Variants in TAFA4 observed in about 807,000 individuals in gnomAD.
TAFA4 encodes the protein chemokine-like protein TAFA-4.
A neutral mutation model predicts 21.1 loss-of-function variants in TAFA4; 20 were observed. The ratio of observed to expected loss-of-function variants is 0.95; its 90% CI spans 0.67 to 1.38. The LOEUF (loss-of-function observed/expected upper bound fraction) is 1.38, where lower values mean the gene tolerates loss of function less well. Among genes scored for constraint, TAFA4 ranks in the 40% most tolerant of loss-of-function variants. The pLI, the probability that TAFA4 is intolerant of heterozygous loss-of-function variation, is 0.00. For missense variants in TAFA4, 211 were observed against 180.9 expected, an observed-to-expected ratio of 1.17 and a Z score of -0.95; for synonymous variants, 71 against 67.4, an observed-to-expected ratio of 1.05 and a Z score of -0.26.
chr3:68,821,268 A>G (rs1162526584), intron 3 of TAFA4, among the ~76,000 whole-genome samples: 1 of 152,136 alleles, frequency 6.6e-6, no homozygotes, highest in African/African-American at 2.4e-5. Context: ...ACACAGCATC[A>G]AAACAACAAT....
intron 4 of TAFA4, among the ~76,000 whole-genome samples, chr3:68,743,122 A>C (rs1702387990): frequency 6.6e-6 from 1 of 152,214 alleles, no homozygotes; most frequent in Non-Finnish European, 1.5e-5. Flanking sequence ...CAAAACAAAT[A>C]GTACCTAAGT....
intron 3 of TAFA4, among the ~76,000 whole-genome samples, chr3:68,753,916 G>C (rs979279313): frequency 8.5e-5 from 13 of 152,230 alleles, no homozygotes; most frequent in African/African-American, 3.1e-4. Flanking sequence ...GTGAGACGCT[G>C]AGCAGAGAAT....
intron 3 of TAFA4, among the ~76,000 whole-genome samples, chr3:68,869,669 T>C (rs759277944): frequency 1.1e-4 from 16 of 152,014 alleles, no homozygotes; most frequent in Non-Finnish European, 2.1e-4. Flanking sequence ...CATTCTTTTA[T>C]GATAAAAACT....
intron 3 of TAFA4, among the ~76,000 whole-genome samples, chr3:68,867,167 G>T (rs191387855): frequency 1.1e-4 from 17 of 152,186 alleles, no homozygotes; most frequent in African/African-American, 3.4e-4. Context: ...AAAAAGAGAG[G>T]ATGCTAAAAG....
At chr3:68,757,503 C>A (rs1356949312) in intron 3 of TAFA4, among the ~76,000 whole-genome samples, 12 of 152,124 alleles carry the variant, frequency 7.9e-5, no homozygotes, top group African/African-American at 2.9e-4. Context: ...ATGAAAGCAG[C>A]TTTAAACCCC....
At chr3:68,863,722 T>C (rs1008279161) in intron 3 of TAFA4, among the ~76,000 whole-genome samples, 4 of 152,196 alleles carry the variant, frequency 2.6e-5, no homozygotes, top group African/African-American at 9.6e-5. Flanking sequence ...AATATTCTTA[T>C]CTGAAAAGCT....
At chr3:68,837,964 AAATC>A (rs1704560965) in intron 3 of TAFA4, among the ~76,000 whole-genome samples, 1 of 152,130 alleles carries the variant, frequency 6.6e-6, no homozygotes, top group African/African-American at 2.4e-5. Context: ...TGGAATCTCT[AAATC>A]AAGCTAATTA....
intron 3 of TAFA4, among the ~76,000 whole-genome samples, chr3:68,868,313 T>C (rs2089442943): frequency 6.6e-6 from 1 of 152,002 alleles, no homozygotes; most frequent in South Asian, 2.1e-4. Flanking sequence ...TAAATATATA[T>C]GCACCCAAAT....
chr3:68,824,878 C>T (rs751677536), intron 3 of TAFA4, among the ~76,000 whole-genome samples: 6 of 152,136 alleles, frequency 3.9e-5, no homozygotes, highest in Admixed American at 1.3e-4. Flanking sequence ...GCATTTTACG[C>T]GTACGGGATT....
At chr3:68,738,460 C>G (rs1254532306) in intron 5 of TAFA4, among the ~76,000 whole-genome samples, 1 of 151,994 alleles carries the variant, frequency 6.6e-6, no homozygotes, top group Non-Finnish European at 1.5e-5. Flanking sequence ...AGATTCATCT[C>G]CATATGAGAT....
At chr3:68,874,082 A>G (rs1161362880) in intron 3 of TAFA4, among the ~76,000 whole-genome samples, 3 of 152,016 alleles carry the variant, frequency 2.0e-5, no homozygotes, top group African/African-American at 7.2e-5. Context: ...CCAATCCCCA[A>G]CAGCTAAGAA....
At chr3:68,865,832 T>A (rs2089408903) in intron 3 of TAFA4, among the ~76,000 whole-genome samples, 1 of 152,054 alleles carries the variant, frequency 6.6e-6, no homozygotes, top group Admixed American at 6.6e-5. Flanking sequence ...GCTGAGATGT[T>A]CCCTGAAACC....
chr3:68,746,317 T>TTCATATATACATCTATC (rs530760080), intron 4 of TAFA4, among the ~76,000 whole-genome samples: 1 of 152,132 alleles, frequency 6.6e-6, no homozygotes, highest in Non-Finnish European at 1.5e-5. Flanking sequence ...TAAACTCCCC[T>TTCATATATACATCTATC]TCATATATAC....
chr3:68,788,804 T>C lies in TAFA4; in HGVS notation c.131-35786A>G, dbSNP rs184708412. Among the ~76,000 whole-genome samples, 994 of 151,506 alleles carry C rather than the reference T, an allele frequency of 6.6e-3. 12 individuals are homozygous for C. The highest frequency in any genetic ancestry group is 0.023 in the African/African-American group (962 of 41,172). ...ATTTTTATTTTATTTTATTTTATTT[T>C]TGTAGAGACAGGATCTCACTATGTC... On this transcript the variant is annotated intron_variant, in intron 3 of 5. Transcript: ENST00000295569.
chr3:68,824,448 A>T (rs987322833), intron 3 of TAFA4, among the ~76,000 whole-genome samples: 2 of 144,082 alleles, frequency 1.4e-5, no homozygotes, highest in African/African-American at 5.1e-5. Flanking sequence ...TTCCATCATC[A>T]TATCTCCTCT....
chr3:68,735,311 GGATCCATT>G (rs1352647076), intron 5 of TAFA4, among the ~76,000 whole-genome samples: 1 of 152,054 alleles, frequency 6.6e-6, no homozygotes, highest in East Asian at 1.9e-4. Context: ...TTTCCAATGG[GGATCCATT>G]GATGTTCTCT....
intron 3 of TAFA4, among the ~76,000 whole-genome samples, chr3:68,832,111 C>A (rs565974150): frequency 6.6e-6 from 1 of 152,162 alleles, no homozygotes; most frequent in Non-Finnish European, 1.5e-5. Flanking sequence ...AGCTTCCTTG[C>A]AATGGGTTAG....
chr3:68,912,701 T>C (rs1242203930), intron 1 of TAFA4, among the ~76,000 whole-genome samples: 4 of 152,224 alleles, frequency 2.6e-5, no homozygotes, highest in Non-Finnish European at 5.9e-5. Context: ...CCCAGATTCA[T>C]GGCTGTTCTT....
At chr3:68,756,602 G>A (rs977299460) in intron 3 of TAFA4, among the ~76,000 whole-genome samples, 5 of 152,092 alleles carry the variant, frequency 3.3e-5, no homozygotes, top group African/African-American at 7.2e-5. Flanking sequence ...CATCTTCAAC[G>A]TCGATGGCAA....
Sources: gnomAD v4.1 joint callset for allele counts (sites outside exome capture counted in the v4.1 genomes callset) on GRCh38, gnomAD v4.1.1 for gene constraint, MANE v1.5 for transcripts, NCBI Gene and HGNC (gene_info 2026-07-23, HGNC 2026-07-21) for gene names.